Variants in PGD observed in about 807,000 individuals in gnomAD.
PGD encodes the protein 6-phosphogluconate dehydrogenase, decarboxylating.
PGD carries 21 observed loss-of-function variants against 60.4 expected under a neutral mutation model. That is an observed-to-expected ratio of 0.35 (90% CI 0.25 to 0.50). PGD has a LOEUF of 0.50. PGD is among the 20% of genes least tolerant of loss of function. The pLI is 0.98. For synonymous variants in PGD, 230 were observed against 235.9 expected (o/e 0.97, Z 0.23); for missense variants, 477 against 613.1 (o/e 0.78, Z 2.34).
intron 7 of PGD, 28 bp from the exon 8 acceptor site, chr1:10,413,034 A>G (rs1434700139): frequency 4.4e-6 from 7 of 1,597,514 alleles, no homozygotes; most frequent in South Asian, 3.3e-5. Flanking sequence ...TTCCTCTAAC[A>G]TGGTTCTCTC....
chr1:10,403,994 T>C (rs1165270645), intron 4 of PGD, among the ~76,000 whole-genome samples, 167 bp from the exon 5 acceptor site: 1 of 152,168 alleles, frequency 6.6e-6, no homozygotes, highest in African/African-American at 2.4e-5. Flanking sequence ...CTTTCCTGAG[T>C]CATCAGTTAT....
At chr1:10,409,802 T>C (rs140110177) in intron 6 of PGD, among the ~76,000 whole-genome samples, 2,917 of 151,986 alleles carry the variant, frequency 0.019, 40 homozygotes, top group Non-Finnish European at 0.028. Context: ...ATTACAGGCA[T>C]GTGCCACCAT....
At chr1:10,416,524 C>T (rs968795140) in intron 8 of PGD, among the ~76,000 whole-genome samples, 1 of 152,192 alleles carries the variant, frequency 6.6e-6, no homozygotes, top group Non-Finnish European at 1.5e-5. Context: ...TGGTAATTTT[C>T]ATGCGCATCC....
chr1:10,399,400 G>A, intron 1 of PGD: 1 of 477,176 alleles, frequency 2.1e-6, no homozygotes, highest in Non-Finnish European at 3.6e-6. Flanking sequence ...AGTCTGCAGG[G>A]ACACCTGCGG....
At position 10,417,413 on chromosome 1, in the gene PGD, G is replaced by T; in HGVS notation, c.1013G>T (p.Gly338Val). 6.2e-7 allele frequency: 1 copy of T among 1,613,764 alleles called. No homozygotes were observed. The highest frequency in any genetic ancestry group is 8.5e-7 in the Non-Finnish European group (1 of 1,179,888). ...TCCAAGATCATCTCTTACGCTCAAG[G>T]CTTTATGCTGCTAAGGCAGGCAGCC... is the stretch of plus-strand genomic sequence containing the variant. The part of the protein sequence containing the change: ...YASKIISYAQ[G>V]FMLLRQAATE... Residue 338 changes from glycine to valine, a missense_variant, in exon 10 of 13, where the codon GGC (glycine) becomes GTC (valine). Gly to Val is a moderately radical substitution (Grantham distance 109). Around this residue, in one of 3 missense-constraint regions of PGD, gnomAD observed 431 missense variants for 556.6 expected, o/e 0.77. Coordinates refer to ENST00000270776, the MANE Select transcript of PGD (RefSeq NM_002631.4).
rs751296915 is a variant in PGD at position 10,413,238 on chromosome 1, C to T, written c.831C>T (p.Pro277=). 16 of 1,613,714 alleles carry T rather than the reference C, an allele frequency of 9.9e-6. No individual in the cohort carries two copies. Among genetic ancestry groups the T allele is most frequent in the African/African-American group, 8.0e-5 (6 of 74,926 alleles). ...TCTCCGCCCTGGAATACGGCGTACC[C>T]GTCACCCTCATTGGTAATGTTATGC... The part of the protein sequence containing the change: ...TAISALEYGV[P]VTLIGEAVFA... The change falls in exon 8 of 13, where the codon CCC becomes CCT. Residue 277 remains proline (P), a synonymous_variant. Transcript: ENST00000270776.
intron 8 of PGD, among the ~76,000 whole-genome samples, chr1:10,416,622 C>T (rs1270383341): frequency 6.6e-6 from 1 of 152,046 alleles, no homozygotes; most frequent in East Asian, 1.9e-4. Flanking sequence ...GAAGAGTCAG[C>T]GAAGGGAGAT....
chr1:10,408,005 G>A, intron 5 of PGD, 66 bp from the exon 6 acceptor site: 1 of 917,894 alleles, frequency 1.1e-6, no homozygotes. Flanking sequence ...GTATGTTGGT[G>A]TCTATGGGTA....
intron 8 of PGD, among the ~76,000 whole-genome samples, chr1:10,415,112 CAAAAAT>C (rs1639573383): frequency 6.6e-6 from 1 of 151,532 alleles, no homozygotes; most frequent in African/African-American, 2.4e-5. Flanking sequence ...AGAAGCATCT[CAAAAAT>C]AATAAAACAG....
rs1639609605 is a variant in PGD, at chr1:10,417,130, C to T, written c.975+13C>T. Reference sequence around the variant, plus strand: ...GGACATTCGGAAGGTGGGACACAGTCCCTGGCAGTGGTCTTTGTTGGTCCT... The same window carrying T: ...GGACATTCGGAAGGTGGGACACAGTTCCTGGCAGTGGTCTTTGTTGGTCCT... On this transcript the variant is annotated intron_variant, in intron 9 of 12. Transcript: ENST00000270776. 4.3e-6 allele frequency: 7 copies of T among 1,613,444 alleles called. No homozygotes were observed. The highest frequency in any genetic ancestry group is 5.9e-6 in the Non-Finnish European group (7 of 1,179,708).
intron 6 of PGD, among the ~76,000 whole-genome samples, chr1:10,408,354 T>C (rs1459905233): frequency 1.3e-5 from 2 of 152,192 alleles, no homozygotes; most frequent in East Asian, 1.9e-4. Context: ...GAGGTTGATA[T>C]TAAAAGCAGC....
intron 5 of PGD, among the ~76,000 whole-genome samples, chr1:10,405,145 C>T (rs2102388381): frequency 6.6e-6 from 1 of 151,092 alleles, no homozygotes; most frequent in East Asian, 2.0e-4. Context: ...GAGGCTGAGG[C>T]AGGCAGATCA....
rs112025529 is a variant in PGD at position 10,409,765 on chromosome 1, C to T, written c.519+1625C>T. On this transcript the variant is annotated intron_variant, in intron 6 of 12. Coordinates refer to ENST00000270776, the MANE Select transcript of PGD (RefSeq NM_002631.4). Reference sequence around the variant, plus strand: ...CCGCCTCCTGGGTTCAAGCGATTCTCATGCCTCAGCCTCCATTGTAGCTGG... The same window carrying T: ...CCGCCTCCTGGGTTCAAGCGATTCTTATGCCTCAGCCTCCATTGTAGCTGG... 7.9e-3 allele frequency among the ~76,000 whole-genome samples: 1,149 copies of T among 145,972 alleles called. 8 individuals carry two copies. Among genetic ancestry groups the T allele is most frequent in the Admixed American group, 0.012 (173 of 13,982 alleles).
chr1:10,403,043 C>T, intron 3 of PGD, 28 bp from the exon 4 acceptor site: 1 of 1,469,332 alleles, frequency 6.8e-7, no homozygotes, highest in Non-Finnish European at 9.5e-7. Flanking sequence ...CATTTTTGGT[C>T]CATCTTAATG....
intron 1 of PGD, 63 bp downstream of exon 1, chr1:10,399,188 G>T: frequency 2.5e-6 from 4 of 1,577,000 alleles, no homozygotes; most frequent in Non-Finnish European, 3.5e-6. Context: ...TTTGGGGGTC[G>T]AGATCTCCCT....
chr1:10,420,482 C>CTA lies in PGD; in HGVS notation c.*734_*735dup, dbSNP rs981244789. On this transcript the variant is annotated 3_prime_UTR_variant, in exon 13 of 13. Transcript: ENST00000270776. ...TGTCAAATACTTCATACTAAACTTTCTAGAGAATTAAACTTTAATGATGGG... is the reference window on the plus strand; with the variant it reads ...TGTCAAATACTTCATACTAAACTTTCTATAGAGAATTAAACTTTAATGATGGG... 7.5e-6 allele frequency among the ~76,000 whole-genome samples: 1 copy of CTA among 133,726 alleles called. No individual in the cohort carries two copies. Among genetic ancestry groups the CTA allele is most frequent in the Non-Finnish European group, 1.5e-5 (1 of 65,114 alleles). 87.7% of individuals were successfully genotyped at this position (133,726 alleles called of 152,430 possible). A position where few individuals can be genotyped will look rare whatever the true frequency, so the allele number is the denominator to read the frequency against.
In PGD at chr1:10,416,431, T is replaced by C. The variant is rs1428737157; in HGVS notation, c.845-556T>C. ...AGTTCCTTCCGATCCATGTCAACTT[T>C]TGTGGCCTAAGGTTGAAACTTTCAG... is the stretch of plus-strand genomic sequence containing the variant. On this transcript the variant is annotated intron_variant, in intron 8 of 12. Transcript: ENST00000270776. 2.0e-5 allele frequency among the ~76,000 whole-genome samples: 3 copies of C among 152,232 alleles called. No homozygotes were observed. The South Asian group carries it at 6.2e-4, about 31-fold the overall frequency.
intron 7 of PGD, among the ~76,000 whole-genome samples, chr1:10,411,957 A>G (rs983727681): frequency 6.6e-6 from 1 of 152,180 alleles, no homozygotes; most frequent in Non-Finnish European, 1.5e-5. Context: ...TTCCCCCAAC[A>G]TTTTATTATG....
At position 10,417,534 on chromosome 1, in the gene PGD, C is replaced by T. The variant is rs116942878; in HGVS notation, c.1109+25C>T. 395 of 1,592,000 alleles carry T rather than the reference C, an allele frequency of 2.5e-4. 1 individual carries two copies. The East Asian group carries it at 7.2e-3, about 29-fold the overall frequency. Reference sequence around the variant, plus strand: ...GGTAAGTGAGAGGCAGCCCAGGGTCCGACGGGAAGGACTCACACGGCTGTG... The same window carrying T: ...GGTAAGTGAGAGGCAGCCCAGGGTCTGACGGGAAGGACTCACACGGCTGTG... On this transcript the variant is annotated intron_variant, in intron 10 of 12. Coordinates refer to ENST00000270776, the MANE Select transcript of PGD (RefSeq NM_002631.4).
Sources: gnomAD v4.1 joint callset for allele counts (sites outside exome capture counted in the v4.1 genomes callset) on GRCh38, gnomAD v4.1.1 for gene constraint, gnomAD v4.1.1 regional missense constraint, MANE v1.5 for transcripts, NCBI Gene and HGNC (gene_info 2026-07-23, HGNC 2026-07-21) for gene names.